Variants in TMEM165 observed in about 807,000 individuals in gnomAD.
The protein encoded by TMEM165 is putative divalent cation/proton antiporter TMEM165.
Under a neutral mutation model 30.0 loss-of-function variants are expected in TMEM165, and 19 were observed. The ratio of observed to expected loss-of-function variants is 0.63; its 90% CI spans 0.44 to 0.93. TMEM165 has a LOEUF of 0.93. TMEM165 is among the 40% of genes least tolerant of loss of function. The pLI, the probability that TMEM165 is intolerant of heterozygous loss-of-function variation, is 0.00. For synonymous variants in TMEM165, 168 were observed against 162.9 expected, an observed-to-expected ratio of 1.03 and a Z score of -0.24; for missense variants, 340 against 417.0, an observed-to-expected ratio of 0.82 and a Z score of 1.61.
At chr4:55,422,176 T>C (rs935969759) in intron 4 of TMEM165, among the ~76,000 whole-genome samples, 9 of 152,240 alleles carry the variant, frequency 5.9e-5, no homozygotes, top group African/African-American at 2.2e-4. Context: ...TGGACCCTTC[T>C]TTCTCTGTCC....
rs553431826 is a variant in TMEM165 at position 55,404,617 on chromosome 4, T to G, written c.208-6997T>G. ...ATTTTATTTATTTTATTTTTTTTTT[T>G]TGTGGAGATGAGGTCTCACTATGTT... is the stretch of plus-strand genomic sequence containing the variant. On this transcript the variant is annotated intron_variant, in intron 1 of 5. Coordinates refer to ENST00000381334, the MANE Select transcript of TMEM165 (RefSeq NM_018475.5). Among the ~76,000 whole-genome samples the G allele has an allele frequency of 8.2e-3, 1,240 of 151,804 alleles. 18 individuals carry two copies. Among genetic ancestry groups the G allele is most frequent in the African/African-American group, 0.029 (1,176 of 41,184 alleles).
chr4:55,448,407 G>A (rs1184208539), intron 3 of TMEM165, among the ~76,000 whole-genome samples: 1 of 152,038 alleles, frequency 6.6e-6, no homozygotes, highest in Non-Finnish European at 1.5e-5. Flanking sequence ...TATTAGGCAG[G>A]ACAATTCTTT....
At chr4:55,433,933 A>C (rs1722687189) in intron 3 of TMEM165, 1 of 152,238 alleles carries the variant, frequency 6.6e-6, no homozygotes, top group Non-Finnish European at 1.5e-5. Context: ...TATTTCTGGT[A>C]AATTCTTAAA....
Position 55,417,971 on chromosome 4 carries a change from T to A in TMEM165, c.778T>A (p.Leu260Met), listed in dbSNP as rs1262648199. The change falls in exon 4 of 6, where the codon TTG (leucine) becomes ATG (methionine). Residue 260 changes from leucine (L) to methionine (M), a missense_variant. Physicochemically the swap from Leu to Met is conservative, Grantham distance 15. Coordinates refer to ENST00000381334, the MANE Select transcript of TMEM165 (RefSeq NM_018475.5). Reference sequence around the variant, plus strand: ...TCGCTCTCAACTAACTACAATTGTATTGGCAGCTAGAGAGGTGAGTGATAT... The same window carrying A: ...TCGCTCTCAACTAACTACAATTGTAATGGCAGCTAGAGAGGTGAGTGATAT... ...GDRSQLTTIV[L>M]AAREDPYGVA... 1 of 1,609,816 alleles carries A rather than the reference T, an allele frequency of 6.2e-7. No homozygotes were observed. Among genetic ancestry groups the A allele is most frequent in the Non-Finnish European group, 8.5e-7 (1 of 1,178,730 alleles).
At chr4:55,434,183 G>GT (rs1293431199) in intron 3 of TMEM165, 1 of 152,592 alleles carries the variant, frequency 6.6e-6, no homozygotes, top group Non-Finnish European at 1.5e-5. Context: ...AAGATGGTGA[G>GT]TTATCACCTG....
chr4:55,421,293 CTTTCT>C (rs1232812939), intron 4 of TMEM165, among the ~76,000 whole-genome samples: 3 of 129,662 alleles, frequency 2.3e-5, no homozygotes, highest in African/African-American at 8.6e-5. Context: ...TATTTTCTTT[CTTTCT>C]TTTTTTTTTT....
intron 3 of TMEM165, among the ~76,000 whole-genome samples, chr4:55,439,297 C>G (rs1482566970): frequency 1.3e-5 from 2 of 152,118 alleles, no homozygotes; most frequent in Non-Finnish European, 1.5e-5. Flanking sequence ...AAATACAAAT[C>G]AAAACCACAA....
In TMEM165 at chr4:55,442,520, C is replaced by T. The variant is rs145873359; in HGVS notation, c.409-9719C>T. On this transcript the variant is annotated intron_variant, in intron 3 of 3. Transcript: ENST00000608091. ...CTAGATGGAATCTGGACCATGCTTC[C>T]GGCTGCAGGCTGAGAAATCACCATA... 342 of 1,608,852 alleles carry T rather than the reference C, an allele frequency of 2.1e-4. No homozygotes were observed. The highest frequency in any genetic ancestry group is 2.6e-4 in the Non-Finnish European group (304 of 1,179,070).
chr4:55,397,571 T>A (rs1720776124), intron 1 of TMEM165, among the ~76,000 whole-genome samples: 1 of 152,082 alleles, frequency 6.6e-6, no homozygotes, highest in Non-Finnish European at 1.5e-5. Context: ...ATACCTACTC[T>A]CTGTGAAGAC....
downstream of TMEM165, among the ~76,000 whole-genome samples, chr4:55,427,366 T>A (rs573827950): frequency 4.9e-3 from 93 of 19,146 alleles, 1 homozygote; most frequent in African/African-American, 0.034. Flanking sequence ...TTGGAGACAA[T>A]CTATCTCACT....
At chr4:55,437,191 C>G (rs187032449) in intron 3 of TMEM165, among the ~76,000 whole-genome samples, 16 of 152,220 alleles carry the variant, frequency 1.1e-4, no homozygotes, top group Non-Finnish European at 1.0e-4. Context: ...ATCACAAAGA[C>G]AAGGATTATA....
chr4:55,411,733 G>C lies in TMEM165; in HGVS notation c.327G>C (p.Leu109Phe). ...AAISVIIVSE[L>F]GDKTFFIAAI... ...TATCAGTTATTATTGTATCTGAATT[G>C]GGTGATAAGACATTTTTTATAGCAG... Residue 109 changes from leucine to phenylalanine, a missense_variant, in exon 2 of 6, where the codon TTG becomes TTC. By Grantham distance (22) the Leu-to-Phe change is conservative. Around this residue, in one of 2 missense-constraint regions of TMEM165, gnomAD observed 220 missense variants for 307.6 expected, o/e 0.72. Coordinates refer to ENST00000381334, the MANE Select transcript of TMEM165 (RefSeq NM_018475.5). 1 of 1,614,132 alleles carries C rather than the reference G, an allele frequency of 6.2e-7. No individual in the cohort carries two copies.
intron 1 of TMEM165, among the ~76,000 whole-genome samples, chr4:55,407,399 C>G (rs1331655522): frequency 6.6e-6 from 1 of 152,088 alleles, no homozygotes; most frequent in African/African-American, 2.4e-5. Context: ...AAATACCTAC[C>G]AGGGTCTGAA....
chr4:55,421,867 T>G (rs1359549039), intron 4 of TMEM165, among the ~76,000 whole-genome samples: 1 of 152,142 alleles, frequency 6.6e-6, no homozygotes, highest in African/African-American at 2.4e-5. Flanking sequence ...TCCCAGCCGT[T>G]TTGTGAGCAT....
At position 55,411,587 on chromosome 4, in the gene TMEM165, AAGAAGTAACTGATTTTTTTTTTCC is replaced by A; in HGVS notation, c.208-22_209del. 1 of 1,553,198 alleles carries A rather than the reference AAGAAGTAACTGATTTTTTTTTTCC, an allele frequency of 6.4e-7. No homozygotes were observed. Among genetic ancestry groups the A allele is most frequent in the Non-Finnish European group, 8.8e-7 (1 of 1,136,388 alleles). On this transcript the variant is annotated splice_region_variant and splice_polypyrimidine_tract_variant and intron_variant, in intron 1 of 5. Coordinates refer to ENST00000381334, the MANE Select transcript of TMEM165 (RefSeq NM_018475.5). ...TAAAATAATTTTGAATAATGATTTT[AAGAAGTAACTGATTTTTTTTTTCC>A]AGAAAATATTTACACCAGCAGCTCC...
intron 1 of TMEM165, among the ~76,000 whole-genome samples, chr4:55,409,457 T>C (rs1271745715): frequency 6.6e-6 from 1 of 152,124 alleles, no homozygotes; most frequent in Admixed American, 6.5e-5. Context: ...AAATTAAAAA[T>C]AAGTTATTAG....
intron 3 of TMEM165, among the ~76,000 whole-genome samples, chr4:55,450,851 T>C (rs6820119): frequency 0.028 from 4,250 of 151,502 alleles, 213 homozygotes; most frequent in African/African-American, 0.098. Flanking sequence ...CAAGAAAACA[T>C]AGGGGAGAAA....
intron 3 of TMEM165, chr4:55,450,080 A>C: frequency 1.9e-6 from 3 of 1,614,102 alleles, no homozygotes; most frequent in Non-Finnish European, 2.5e-6. Context: ...CTTTGAAGCA[A>C]GGGTACTCAC....
chr4:55,411,540 T>G, intron 1 of TMEM165, 74 bp from the exon 2 acceptor site: 1 of 1,387,442 alleles, frequency 7.2e-7, no homozygotes, highest in Non-Finnish European at 9.9e-7. Context: ...TCAAAAAAAC[T>G]AAATCTTATT....
Sources: gnomAD v4.1 joint callset for allele counts (sites outside exome capture counted in the v4.1 genomes callset) on GRCh38, gnomAD v4.1.1 for gene constraint, gnomAD v4.1.1 regional missense constraint, MANE v1.5 for transcripts, NCBI Gene and HGNC (gene_info 2026-07-23, HGNC 2026-07-21) for gene names.